Variants in SF3B1 observed in about 807,000 individuals in gnomAD.
SF3B1 encodes the protein splicing factor 3b subunit 1, also known as pre-mRNA processing 10.
SF3B1 carries 12 observed loss-of-function variants against 153.8 expected under a neutral mutation model. The observed-to-expected ratio is 0.08, with a 90% CI of 0.05 to 0.13. The LOEUF is 0.13. Among genes scored for constraint, SF3B1 ranks in the 10% least tolerant of loss-of-function variants. The pLI is 1.00. For synonymous variants in SF3B1, 498 were observed against 525.2 expected, an observed-to-expected ratio of 0.95 and a Z score of 0.71; for missense variants, 513 against 1,606.1, an observed-to-expected ratio of 0.32 and a Z score of 11.63.
At chr2:197,406,169 TGA>T (rs1397189928) in intron 9 of SF3B1, among the ~76,000 whole-genome samples, 7 of 150,354 alleles carry the variant, frequency 4.7e-5, no homozygotes, top group Admixed American at 2.6e-4. Context: ...TTTGGGAGGC[TGA>T]GATGGGAGGA....
intron 7 of SF3B1, among the ~76,000 whole-genome samples, chr2:197,409,330 G>C (rs2085035385): frequency 6.6e-6 from 1 of 152,072 alleles, no homozygotes; most frequent in Non-Finnish European, 1.5e-5. Flanking sequence ...AATCCGGGAG[G>C]TGGAGGTTGC....
intron 1 of SF3B1, among the ~76,000 whole-genome samples, chr2:197,431,576 TCACCTA>T (rs1308694018): frequency 5.9e-5 from 9 of 152,226 alleles, no homozygotes; most frequent in African/African-American, 1.7e-4. Context: ...TGTTAATGTC[TCACCTA>T]CACCTTTCAG....
intron 23 of SF3B1, among the ~76,000 whole-genome samples, chr2:197,394,721 C>T (rs1193423974): frequency 5.3e-5 from 8 of 152,114 alleles, no homozygotes; most frequent in African/African-American, 1.2e-4. Context: ...CTGGCTAACA[C>T]GGTGAAACCC....
intron 1 of SF3B1, among the ~76,000 whole-genome samples, chr2:197,425,167 T>C (rs2085313782): frequency 6.6e-6 from 1 of 151,676 alleles, no homozygotes; most frequent in Non-Finnish European, 1.5e-5. Flanking sequence ...AATAAATAAA[T>C]AAATGAATAA....
At chr2:197,418,707 T>C (rs2085193825) in intron 4 of SF3B1, 119 bp from the exon 5 acceptor site, 2 of 1,452,172 alleles carry the variant, frequency 1.4e-6, no homozygotes, top group Non-Finnish European at 1.8e-6. Context: ...AAATTATTTT[T>C]TGATGGAAAA....
In SF3B1 at chr2:197,401,032, T is replaced by A; in HGVS notation, c.2497-96A>T. 1.4e-6 allele frequency: 1 copy of A among 707,324 alleles called. No homozygotes were observed. Among genetic ancestry groups the A allele is most frequent in the Non-Finnish European group, 2.4e-6 (1 of 425,170 alleles). The allele number at this position is 707,324 out of a possible 1,614,324, so 43.8% of individuals were successfully genotyped here. On this transcript the variant is annotated intron_variant, in intron 17 of 24. Transcript: ENST00000335508. This position sits in a 1 kb window ranked among gnomAD's most constrained non-coding sequence, Gnocchi z 4.2. The stretch of plus-strand genomic sequence containing the variant: ...CCAAATACTCTAAATATACTACTTA[T>A]TTAGCTAATAAACATGGTAAGAATG...
chr2:197,424,019 G>C (rs779738182), intron 1 of SF3B1, 45 bp from the exon 2 acceptor site: 1 of 1,515,504 alleles, frequency 6.6e-7, no homozygotes, highest in Non-Finnish European at 9.0e-7. Context: ...CTTTCCAAAA[G>C]AACTCCCAAC....
At position 197,401,693 on chromosome 2, in the gene SF3B1, A is replaced by G. The variant is rs2105983980; in HGVS notation, c.2370+49T>C. 6.4e-7 allele frequency: 1 copy of G among 1,560,822 alleles called. No individual in the cohort carries two copies. Among genetic ancestry groups the G allele is most frequent in the Non-Finnish European group, 8.7e-7 (1 of 1,147,778 alleles). On this transcript the variant is annotated intron_variant, in intron 16 of 24. Transcript: ENST00000335508. The surrounding 1 kb of genome is among the most constrained non-coding windows in gnomAD (Gnocchi z 4.2). The stretch of plus-strand genomic sequence containing the variant: ...TTTAAAAACACTTTAAAATTCTGTT[A>G]GAACCATGAAACATATCCAGTTTAC...
At chr2:197,426,900 C>G (rs1481005454) in intron 1 of SF3B1, among the ~76,000 whole-genome samples, 2 of 152,138 alleles carry the variant, frequency 1.3e-5, no homozygotes, top group African/African-American at 2.4e-5. Context: ...TTTATAAAAA[C>G]TGCACACTAC....
At position 197,397,538 on chromosome 2, in the gene SF3B1, G is replaced by A. The variant is rs1007763347; in HGVS notation, c.3266+447C>T. ...AGGCTGTGCGCAGTGGCTCACGCCT[G>A]TAATCTCAGCACTTTTGGAGGCCAA... On this transcript the variant is annotated intron_variant, in intron 22 of 24. Coordinates refer to ENST00000335508, the MANE Select transcript of SF3B1 (RefSeq NM_012433.4). Among the ~76,000 whole-genome samples, 8 of 152,328 alleles carry A rather than the reference G, an allele frequency of 5.3e-5. No individual in the cohort carries two copies. In the South Asian group the frequency reaches 6.2e-4, roughly 12 times the overall value.
intron 2 of SF3B1, among the ~76,000 whole-genome samples, chr2:197,423,529 T>C (rs2085282299): frequency 6.6e-6 from 1 of 152,214 alleles, no homozygotes; most frequent in African/African-American, 2.4e-5. Flanking sequence ...ATAGAGCTGA[T>C]AAGTAATGGT....
Position 197,421,041 on chromosome 2 carries a change from C to G in SF3B1, c.288G>C (p.Gln96His). The G allele has an allele frequency of 6.2e-7, 1 of 1,602,310 alleles. No individual in the cohort carries two copies. Among genetic ancestry groups the G allele is most frequent in the Non-Finnish European group, 8.5e-7 (1 of 1,171,244 alleles). Residue 96 changes from glutamine to histidine, a missense_variant, in exon 3 of 25, where the codon CAG becomes CAC. Transcript: ENST00000335508. Reference sequence around the variant, plus strand: ...AATGAAAGATCACCTGTTCTGTTGACTGTGGTATATCATTAAGCAATGCCA... The same window carrying G: ...AATGAAAGATCACCTGTTCTGTTGAGTGTGGTATATCATTAAGCAATGCCA... ...APVALLNDIP[Q>H]STEQYDPFAE...
chr2:197,398,171 AT>A, intron 21 of SF3B1, 55 bp from the exon 22 acceptor site: 1 of 1,430,606 alleles, frequency 7.0e-7, no homozygotes, highest in Non-Finnish European at 9.7e-7. Context: ...AGTTTTAAGG[AT>A]AAATTTGCAA....
At chr2:197,418,742 TTTA>T in intron 4 of SF3B1, 154 bp from the exon 5 acceptor site, 2 of 1,454,106 alleles carry the variant, frequency 1.4e-6, no homozygotes, top group South Asian at 1.5e-5. Flanking sequence ...CATCTTACTT[TTTA>T]TTGAGTTTGC....
chr2:197,412,428 TC>T, intron 6 of SF3B1, among the ~76,000 whole-genome samples: 2 of 151,746 alleles, frequency 1.3e-5, no homozygotes, highest in East Asian at 4.0e-4. Flanking sequence ...CAGTCTCGGC[TC>T]CCTGCAACCT....
At chr2:197,430,448 G>A (rs2085409941) in intron 1 of SF3B1, among the ~76,000 whole-genome samples, 1 of 152,048 alleles carries the variant, frequency 6.6e-6, no homozygotes, top group Non-Finnish European at 1.5e-5. Flanking sequence ...ACTACTCACG[G>A]TAGTTTTTTT....
In SF3B1 at chr2:197,391,748, T is replaced by C. The variant is rs1403671360; in HGVS notation, c.*555A>G. The stretch of plus-strand genomic sequence containing the variant: ...CTTTTCTACGATGATGGAATGGTTG[T>C]GCTAGTTTGAGGGGAACATCCCCTG... On this transcript the variant is annotated 3_prime_UTR_variant, in exon 25 of 25. Coordinates refer to ENST00000335508, the MANE Select transcript of SF3B1 (RefSeq NM_012433.4). 2.0e-5 allele frequency: 3 copies of C among 153,250 alleles called. No individual in the cohort carries two copies. Among genetic ancestry groups the C allele is most frequent in the African/African-American group, 7.2e-5 (3 of 41,492 alleles). The allele number at this position is 153,250 out of a possible 1,614,324, so 9.5% of individuals were successfully genotyped here.
rs1284516634 is a variant in SF3B1, at chr2:197,390,025, GAAGAT to G, written c.*2273_*2277del. ...AAAATACAAAAGAAAAGGTCTTTGA[GAAGAT>G]AGGTAAAACTTCACATAGCGTCTTC... On this transcript the variant is annotated 3_prime_UTR_variant, in exon 25 of 25. Coordinates refer to ENST00000335508, the MANE Select transcript of SF3B1 (RefSeq NM_012433.4). 6.6e-6 allele frequency: 1 copy of G among 152,200 alleles called. No homozygotes were observed. Among genetic ancestry groups the G allele is most frequent in the Admixed American group, 6.5e-5 (1 of 15,286 alleles). 9.4% of individuals were successfully genotyped at this position (152,200 alleles called of 1,614,324 possible). A position where few individuals can be genotyped will look rare whatever the true frequency, so the allele number is the denominator to read the frequency against.
At chr2:197,424,368 G>A (rs2085297778) in intron 1 of SF3B1, among the ~76,000 whole-genome samples, 1 of 152,092 alleles carries the variant, frequency 6.6e-6, no homozygotes, top group Non-Finnish European at 1.5e-5. Flanking sequence ...GGGCGTGGGG[G>A]CATGCACCTG....
Sources: allele counts gnomAD v4.1 joint callset (sites outside exome capture counted in the v4.1 genomes callset), GRCh38; gene constraint gnomAD v4.1.1; non-coding constraint Gnocchi (gnomAD v3.1); transcripts MANE v1.5; gene names NCBI Gene and HGNC (gene_info 2026-07-23, HGNC 2026-07-21).